OSBPL10: variants seen among roughly 807,000 people sequenced by gnomAD.
The protein encoded by OSBPL10 is oxysterol binding protein like 10.
In OSBPL10, 49 loss-of-function variants were observed where a neutral mutation model predicts 81.7. The observed-to-expected ratio is 0.60, with a 90% CI of 0.48 to 0.76. OSBPL10 has a LOEUF of 0.76. Among genes scored for constraint, OSBPL10 ranks in the 30% least tolerant of loss-of-function variants. OSBPL10 has a pLI of 0.00. For synonymous variants in OSBPL10, 419 were observed against 383.6 expected (o/e 1.09, Z -1.08); for missense variants, 923 against 987.8 (o/e 0.93, Z 0.88).
At chr3:31,897,493 T>TTCTTTA (rs1696089835) in intron 1 of OSBPL10, among the ~76,000 whole-genome samples, 11 of 152,220 alleles carry the variant, frequency 7.2e-5, no homozygotes, top group African/African-American at 2.6e-4. Context: ...AAGGACCAAG[T>TTCTTTA]ATTCACCACA....
At position 31,664,158 on chromosome 3, in the gene OSBPL10, A is replaced by C. The variant is rs777834668; in HGVS notation, c.2171T>G (p.Leu724Arg). The C allele has an allele frequency of 5.0e-6, 8 of 1,613,322 alleles. No individual in the cohort carries two copies. Among genetic ancestry groups the C allele is most frequent in the Non-Finnish European group, 6.8e-6 (8 of 1,179,906 alleles). ...IDAATEQKRHLEEKQRVEERK... is the reference protein window; with the variant it reads ...IDAATEQKRHREEKQRVEERK... ...TTCCTCCACCCGTTGCTTCTCCTCCAGGTGCCGCTTCTGCTCGGTGGCTGC... is the reference window on the plus strand; with the variant it reads ...TTCCTCCACCCGTTGCTTCTCCTCCCGGTGCCGCTTCTGCTCGGTGGCTGC... Residue 724 changes from leucine to arginine, a missense_variant, in exon 11 of 12, where the codon CTG becomes CGG. Leu to Arg is a moderately radical substitution (Grantham distance 102). This residue lies in a region of OSBPL10 where 387 missense variants were observed against 436.3 expected (regional missense o/e 0.89). Coordinates refer to ENST00000396556, the MANE Select transcript of OSBPL10 (RefSeq NM_017784.5).
At chr3:32,016,755 C>T (rs1699316222) in intron 2 of OSBPL10, among the ~76,000 whole-genome samples, 1 of 152,066 alleles carries the variant, frequency 6.6e-6, no homozygotes, top group Admixed American at 6.6e-5. Flanking sequence ...GTTTGGGAGG[C>T]AGAATTAAAA....
intron 6 of OSBPL10, among the ~76,000 whole-genome samples, chr3:31,727,031 C>G (rs1191843422): frequency 6.6e-6 from 1 of 151,932 alleles, no homozygotes; most frequent in Non-Finnish European, 1.5e-5. Context: ...GAGACAGGGT[C>G]TATCTTGCCC....
chr3:31,850,848 T>G (rs953658703), intron 3 of OSBPL10, among the ~76,000 whole-genome samples: 1 of 152,094 alleles, frequency 6.6e-6, no homozygotes, highest in Admixed American at 6.5e-5. Flanking sequence ...AAGAAACAAG[T>G]ACAAAAAAGA....
intron 4 of OSBPL10, among the ~76,000 whole-genome samples, chr3:31,819,857 G>A (rs1699937964): frequency 6.6e-6 from 1 of 152,202 alleles, no homozygotes; most frequent in South Asian, 2.1e-4. Flanking sequence ...AGATCATCTG[G>A]ATGGGATAGA....
chr3:31,957,073 T>C (rs1389038218), intron 1 of OSBPL10, among the ~76,000 whole-genome samples: 4 of 151,860 alleles, frequency 2.6e-5, no homozygotes, highest in Admixed American at 1.3e-4. Context: ...AGGCAGAGGG[T>C]GCAGTGGGCC....
At chr3:32,055,454 C>A (rs931318684) in intron 1 of OSBPL10, among the ~76,000 whole-genome samples, 5 of 151,918 alleles carry the variant, frequency 3.3e-5, no homozygotes, top group Admixed American at 2.6e-4. Flanking sequence ...CATCAGCCCC[C>A]CAAAGTGCTG....
intron 3 of OSBPL10, among the ~76,000 whole-genome samples, chr3:31,845,202 T>TCTGC (rs141449811): frequency 2.2e-4 from 34 of 152,300 alleles, no homozygotes; most frequent in Non-Finnish European, 3.5e-4. Flanking sequence ...TCTAACACTT[T>TCTGC]CTGCCTGCCT....
At chr3:31,664,602 C>T (rs924494600) in intron 10 of OSBPL10, 5 of 313,266 alleles carry the variant, frequency 1.6e-5, no homozygotes, top group Non-Finnish European at 3.0e-5. Flanking sequence ...TTAATCCTCA[C>T]AGCAACCCAA....
At chr3:31,984,063 A>G (rs1264403651), upstream of OSBPL10, among the ~76,000 whole-genome samples, 1 of 151,912 alleles carries the variant, frequency 6.6e-6, no homozygotes, top group African/African-American at 2.4e-5. Flanking sequence ...TTGAGACTGG[A>G]GTCTCGCTCT....
chr3:31,954,165 C>T (rs547920927), intron 1 of OSBPL10, among the ~76,000 whole-genome samples: 2 of 152,330 alleles, frequency 1.3e-5, no homozygotes, highest in African/African-American at 4.8e-5. Context: ...GCTCCTTCTG[C>T]ACATGAATTC....
At chr3:31,995,458 T>C (rs1699081720) in intron 2 of OSBPL10, among the ~76,000 whole-genome samples, 1 of 152,222 alleles carries the variant, frequency 6.6e-6, no homozygotes, top group South Asian at 2.1e-4. Flanking sequence ...AATATGGCTC[T>C]TTTTGCCCAA....
chr3:31,902,432 T>C (rs2125679078), intron 1 of OSBPL10, among the ~76,000 whole-genome samples: 1 of 151,814 alleles, frequency 6.6e-6, no homozygotes, highest in Admixed American at 6.6e-5. Context: ...CCAGCTAATT[T>C]TTATATTTTT....
chr3:31,953,743 T>C (rs1697933972), intron 1 of OSBPL10, among the ~76,000 whole-genome samples: 1 of 152,140 alleles, frequency 6.6e-6, no homozygotes, highest in Non-Finnish European at 1.5e-5. Context: ...TCCTTCTCCC[T>C]CTCAATCATG....
At chr3:31,838,345 C>G (rs1408126395) in intron 3 of OSBPL10, among the ~76,000 whole-genome samples, 1 of 151,840 alleles carries the variant, frequency 6.6e-6, no homozygotes, top group African/African-American at 2.4e-5. Context: ...CCCGTCTTTA[C>G]TAAGAATACA....
rs191782417 is a variant in OSBPL10 at position 31,784,165 on chromosome 3, C to T, written c.730-36045G>A. Among the ~76,000 whole-genome samples the T allele has an allele frequency of 1.2e-3, 178 of 151,684 alleles. 1 individual carries two copies. Among genetic ancestry groups the T allele is most frequent in the African/African-American group, 4.0e-3 (165 of 41,350 alleles). ...ACCAGCCTGGCCAACATGGTCAAAC[C>T]CTGTCTCTACTAAAAATACAAAAAC... On this transcript the variant is annotated intron_variant, in intron 4 of 11. Transcript: ENST00000396556.
intron 1 of OSBPL10, among the ~76,000 whole-genome samples, chr3:31,894,917 C>G (rs1466463771): frequency 6.6e-6 from 1 of 152,262 alleles, no homozygotes; most frequent in African/African-American, 2.4e-5. Flanking sequence ...AGGAAAAATG[C>G]TGTCGTATTA....
chr3:32,042,558 C>G (rs1699588696), intron 2 of OSBPL10, among the ~76,000 whole-genome samples: 1 of 152,116 alleles, frequency 6.6e-6, no homozygotes, highest in Non-Finnish European at 1.5e-5. Context: ...TTGGGGGAAC[C>G]TGCCCCCAAT....
intron 4 of OSBPL10, among the ~76,000 whole-genome samples, chr3:31,751,347 AAAAT>A (rs1228619687): frequency 9.9e-5 from 15 of 151,774 alleles, no homozygotes; most frequent in African/African-American, 2.7e-4. Flanking sequence ...ACCTTGTCTC[AAAAT>A]AAATAAATAA....
Sources: gnomAD v4.1 joint callset for allele counts (sites outside exome capture counted in the v4.1 genomes callset) on GRCh38, gnomAD v4.1.1 for gene constraint, gnomAD v4.1.1 regional missense constraint, MANE v1.5 for transcripts, NCBI Gene and HGNC (gene_info 2026-07-23, HGNC 2026-07-21) for gene names.